RGS9: variants seen among roughly 807,000 people sequenced by gnomAD.
The protein encoded by RGS9 is regulator of G-protein signalling 9.
RGS9 carries 78 observed loss-of-function variants against 102.0 expected under a neutral mutation model. The observed-to-expected ratio is 0.76, with a 90% CI of 0.64 to 0.92. The LOEUF is 0.92. Among genes scored for constraint, RGS9 ranks in the 40% least tolerant of loss-of-function variants. The pLI is 0.00. For synonymous variants in RGS9, 353 were observed against 318.6 expected, an observed-to-expected ratio of 1.11 and a Z score of -1.15; for missense variants, 833 against 866.1, an observed-to-expected ratio of 0.96 and a Z score of 0.48.
At chr17:65,174,958 G>T (rs1026495653) in intron 8 of RGS9, among the ~76,000 whole-genome samples, 8 of 152,148 alleles carry the variant, frequency 5.3e-5, no homozygotes, top group Non-Finnish European at 2.9e-5. Context: ...CATGAGAACA[G>T]CATGGGGGAC....
At chr17:65,167,264 C>G (rs1316224870) in intron 7 of RGS9, among the ~76,000 whole-genome samples, 1 of 152,034 alleles carries the variant, frequency 6.6e-6, no homozygotes, top group Non-Finnish European at 1.5e-5. Flanking sequence ...TGCAGTGGCG[C>G]GATCTCGGCT....
At chr17:65,171,407 G>C (rs924413086) in intron 8 of RGS9, among the ~76,000 whole-genome samples, 1 of 152,198 alleles carries the variant, frequency 6.6e-6, no homozygotes, top group African/African-American at 2.4e-5. Context: ...TCAGTAGCCT[G>C]CTCAGTTCTG....
At chr17:65,168,545 CTTTTTTTT>C (rs5821624) in intron 8 of RGS9, among the ~76,000 whole-genome samples, 5 of 85,274 alleles carry the variant, frequency 5.9e-5, no homozygotes, top group East Asian at 2.9e-4. Context: ...AGGGCTGGGA[CTTTTTTTT>C]TTTTTTTTTT....
intron 9 of RGS9, among the ~76,000 whole-genome samples, chr17:65,184,360 C>T (rs112255614): frequency 1.2e-4 from 18 of 152,166 alleles, no homozygotes; most frequent in African/African-American, 3.6e-4. Flanking sequence ...CATAATAGGT[C>T]CCAAATATTG....
intron 18 of RGS9, among the ~76,000 whole-genome samples, 163 bp from the exon 19 acceptor site, chr17:65,227,112 C>T (rs898242248): frequency 6.6e-6 from 1 of 152,222 alleles, no homozygotes; most frequent in Non-Finnish European, 1.5e-5. Context: ...CACACACAAC[C>T]TTTGTAGTCA....
intron 7 of RGS9, among the ~76,000 whole-genome samples, chr17:65,166,575 G>GA (rs1346466053): frequency 7.9e-5 from 12 of 152,296 alleles, no homozygotes; most frequent in Non-Finnish European, 1.5e-4. Context: ...TGCTGTTGCT[G>GA]AAAAAATCAC....
chr17:65,215,417 A>G (rs958750528), intron 17 of RGS9, among the ~76,000 whole-genome samples: 1 of 152,106 alleles, frequency 6.6e-6, no homozygotes, highest in Non-Finnish European at 1.5e-5. Context: ...CCAGACGAAA[A>G]TGTGTACACC....
At chr17:65,189,117 G>A (rs940935572) in intron 9 of RGS9, 169 bp from the exon 10 acceptor site, 19 of 640,528 alleles carry the variant, frequency 3.0e-5, no homozygotes, top group Admixed American at 1.3e-4. Flanking sequence ...ATTCCCCAGG[G>A]GTTACATAGA....
chr17:65,160,181 G>C (rs1229658500), intron 3 of RGS9, 52 bp from the exon 4 acceptor site: 2 of 1,421,208 alleles, frequency 1.4e-6, no homozygotes, highest in Non-Finnish European at 2.0e-6. Context: ...CCGGCAATGA[G>C]CTCCTGTCTC....
intron 17 of RGS9, among the ~76,000 whole-genome samples, chr17:65,224,188 G>T (rs1567897021): frequency 6.6e-6 from 1 of 152,206 alleles, no homozygotes; most frequent in South Asian, 2.1e-4. Context: ...TGAAAATTCC[G>T]ATTTTAATTT....
rs878938255 is a variant in RGS9 at position 65,207,861 on chromosome 17, A to G, written c.1204-61A>G. On this transcript the variant is annotated intron_variant, in intron 15 of 18. Transcript: ENST00000262406. ...AGGGAGGCTTGAAAATGGCAAGGGT[A>G]TTGGTTTGATTTGACTGCTTTTTTC... is the stretch of plus-strand genomic sequence containing the variant. 4 of 1,178,438 alleles carry G rather than the reference A, an allele frequency of 3.4e-6. No individual in the cohort carries two copies. The Admixed American group carries it at 5.2e-5, about 15-fold the overall frequency. The allele number at this position is 1,178,438 out of a possible 1,614,324, so 73.0% of individuals were successfully genotyped here.
At chr17:65,221,451 G>A (rs1481411101) in intron 17 of RGS9, among the ~76,000 whole-genome samples, 1 of 152,188 alleles carries the variant, frequency 6.6e-6, no homozygotes, top group Non-Finnish European at 1.5e-5. Flanking sequence ...CGAGTTCCTA[G>A]TTTTGGTATT....
At chr17:65,191,331 A>G (rs1912357771) in intron 11 of RGS9, among the ~76,000 whole-genome samples, 2 of 151,894 alleles carry the variant, frequency 1.3e-5, no homozygotes, top group South Asian at 2.1e-4. Flanking sequence ...TCATTACCGT[A>G]ATTTTGACAT....
At chr17:65,215,484 C>A (rs1050937308) in intron 17 of RGS9, among the ~76,000 whole-genome samples, 2 of 115,026 alleles carry the variant, frequency 1.7e-5, no homozygotes, top group African/African-American at 4.0e-5. Flanking sequence ...CTCTATCTTT[C>A]TTTCGTTCTT....
At position 65,216,960 on chromosome 17, in the gene RGS9, G is replaced by A. The variant is rs150180118; in HGVS notation, c.1407+6355G>A. Among the ~76,000 whole-genome samples, 322 of 152,278 alleles carry A rather than the reference G, an allele frequency of 2.1e-3. 12 individuals are homozygous for A. In the East Asian group the frequency reaches 0.058, roughly 28 times the overall value. On this transcript the variant is annotated intron_variant, in intron 17 of 18. Coordinates refer to ENST00000262406, the MANE Select transcript of RGS9 (RefSeq NM_003835.4). ...ACTGTTGAAGATGTGACAGTGGATG[G>A]AACTTGAGGGCCAGAGAGTGGATGG...
Position 65,193,620 on chromosome 17 carries a change from C to T in RGS9, c.824C>T (p.Thr275Ile). Residue 275 changes from threonine (T) to isoleucine (I), a missense_variant, in exon 12 of 19, where the codon ACC (threonine) becomes ATC (isoleucine). Coordinates refer to ENST00000262406, the MANE Select transcript of RGS9 (RefSeq NM_003835.4). ...SGCLPSNPWI[T>I]DDTQFWDLNA... ...TGCCTCCCCAGCAACCCCTGGATCA[C>T]CGATGACACCCAGTTCTGGGACTTA... The T allele has an allele frequency of 6.2e-7, 1 of 1,613,622 alleles. No individual in the cohort carries two copies. The highest frequency in any genetic ancestry group is 8.5e-7 in the Non-Finnish European group (1 of 1,179,552).
At chr17:65,178,343 C>T (rs537306784) in intron 9 of RGS9, among the ~76,000 whole-genome samples, 61 of 152,122 alleles carry the variant, frequency 4.0e-4, no homozygotes, top group African/African-American at 1.4e-3. Context: ...AAAAAAATAC[C>T]TTTCCTCAAA....
At position 65,227,480 on chromosome 17, in the gene RGS9, G is replaced by GGAC; in HGVS notation, c.*74_*76dup. 6.4e-7 allele frequency: 1 copy of GGAC among 1,551,096 alleles called. No individual in the cohort carries two copies. The highest frequency in any genetic ancestry group is 2.4e-5 in the East Asian group (1 of 41,608). On this transcript the variant is annotated 3_prime_UTR_variant, in exon 19 of 19. Coordinates refer to ENST00000262406, the MANE Select transcript of RGS9 (RefSeq NM_003835.4). ...GACAGATGCCATGGTATGGGCCACAGGACACACTTGCTCGAGAACCAAAGT... is the reference window on the plus strand; with the variant it reads ...GACAGATGCCATGGTATGGGCCACAGGACGACACACTTGCTCGAGAACCAAAGT...
intron 17 of RGS9, among the ~76,000 whole-genome samples, chr17:65,213,556 G>A (rs1451037401): frequency 1.3e-5 from 2 of 151,760 alleles, no homozygotes; most frequent in South Asian, 2.1e-4. Flanking sequence ...GGTGGTGAGG[G>A]TGGTGGTGAG....
Sources: allele counts gnomAD v4.1 joint callset (sites outside exome capture counted in the v4.1 genomes callset), GRCh38; gene constraint gnomAD v4.1.1; transcripts MANE v1.5; gene names NCBI Gene and HGNC (gene_info 2026-07-23, HGNC 2026-07-21).